The following SCGB2B2 variants were observed in gnomAD, a reference collection of about 807,000 sequenced individuals.
The protein encoded by SCGB2B2 is secretoglobin-like protein.
A neutral mutation model predicts 7.6 loss-of-function variants in SCGB2B2; 11 were observed. The ratio of observed to expected loss-of-function variants is 1.45; its 90% CI spans 0.91 to 2.40. The LOEUF (loss-of-function observed/expected upper bound fraction) is 2.40, where lower values mean the gene tolerates loss of function less well. Ranked by LOEUF, SCGB2B2 falls within the 30% of genes most tolerant of loss-of-function variation. The pLI is 0.00. For synonymous variants in SCGB2B2, 50 were observed against 48.6 expected (o/e 1.03, Z -0.12); for missense variants, 104 against 115.4 (o/e 0.90, Z 0.45).
At chr19:34,665,362 G>C (rs928543426) in intron 1 of SCGB2B2, among the ~76,000 whole-genome samples, 1 of 152,172 alleles carries the variant, frequency 6.6e-6, no homozygotes, top group Non-Finnish European at 1.5e-5. Flanking sequence ...GGCTGAGGTG[G>C]CTCAAAGTGG....
At chr19:34,666,370 T>TCACA (rs954698045) in intron 1 of SCGB2B2, among the ~76,000 whole-genome samples, 1 of 151,760 alleles carries the variant, frequency 6.6e-6, no homozygotes, top group African/African-American at 2.4e-5. Context: ...CGCATTCTAC[T>TCACA]CACACACACA....
chr19:34,662,200 T>C (rs1253612610), intron 1 of SCGB2B2, among the ~76,000 whole-genome samples: 1 of 151,932 alleles, frequency 6.6e-6, no homozygotes, highest in African/African-American at 2.4e-5. Flanking sequence ...ATTTTATGTG[T>C]GACCCAAAAC....
intron 1 of SCGB2B2, among the ~76,000 whole-genome samples, chr19:34,637,349 A>G (rs1219883728): frequency 6.6e-6 from 1 of 152,178 alleles, no homozygotes; most frequent in Non-Finnish European, 1.5e-5. Context: ...CACCCACAGC[A>G]TCTATGCAAG....
chr19:34,612,621 A>ATATT (rs1343150002), intron 1 of SCGB2B2, among the ~76,000 whole-genome samples: 4 of 152,200 alleles, frequency 2.6e-5, no homozygotes, highest in Non-Finnish European at 5.9e-5. Flanking sequence ...AAAGGAATTT[A>ATATT]TATTTTACAG....
chr19:34,666,785 T>C (rs959249103), intron 1 of SCGB2B2, among the ~76,000 whole-genome samples: 2 of 152,102 alleles, frequency 1.3e-5, no homozygotes, highest in African/African-American at 4.8e-5. Context: ...GCTGCTGCTG[T>C]TGCTCGTGGG....
chr19:34,636,271 A>G (rs1322612727), intron 1 of SCGB2B2, among the ~76,000 whole-genome samples: 1 of 152,196 alleles, frequency 6.6e-6, no homozygotes, highest in African/African-American at 2.4e-5. Context: ...GAACAAGTAC[A>G]CAGGACTCTT....
At chr19:34,593,691 G>A in intron 3 of SCGB2B2, 92 bp from the exon 4 acceptor site, 1 of 1,032,874 alleles carries the variant, frequency 9.7e-7, no homozygotes. Flanking sequence ...GCTCAGAGGA[G>A]CTCCTTGAGT....
intron 1 of SCGB2B2, among the ~76,000 whole-genome samples, chr19:34,629,339 T>G (rs1400441442): frequency 4.6e-5 from 7 of 151,974 alleles, no homozygotes; most frequent in Non-Finnish European, 8.8e-5. Context: ...TGCCCCTGTT[T>G]GCAGATGACA....
intron 1 of SCGB2B2, among the ~76,000 whole-genome samples, chr19:34,644,135 G>C (rs1434908981): frequency 2.0e-5 from 3 of 152,160 alleles, no homozygotes; most frequent in African/African-American, 7.2e-5. Context: ...TGGCATACGA[G>C]CAGACAGATA....
At chr19:34,660,459 C>T (rs1298551769) in intron 1 of SCGB2B2, among the ~76,000 whole-genome samples, 1 of 152,144 alleles carries the variant, frequency 6.6e-6, no homozygotes, top group Non-Finnish European at 1.5e-5. Flanking sequence ...ACAACCCCAT[C>T]AAAAAGTGGG....
intron 1 of SCGB2B2, among the ~76,000 whole-genome samples, chr19:34,613,806 C>T (rs1288966838): frequency 6.6e-6 from 1 of 152,114 alleles, no homozygotes. Context: ...TCTTTTTAAG[C>T]CTGTCTGATG....
At chr19:34,613,316 T>C (rs1010173473) in intron 1 of SCGB2B2, among the ~76,000 whole-genome samples, 6 of 152,096 alleles carry the variant, frequency 3.9e-5, no homozygotes, top group African/African-American at 1.4e-4. Context: ...CCAGCTGGTC[T>C]CAAAACTCCT....
chr19:34,596,902 C>A (rs559232955), intron 1 of SCGB2B2, among the ~76,000 whole-genome samples: 81 of 152,050 alleles, frequency 5.3e-4, no homozygotes, highest in African/African-American at 1.7e-3. Flanking sequence ...AGCACTGTGT[C>A]CCGTCTCAAC....
intron 1 of SCGB2B2, among the ~76,000 whole-genome samples, chr19:34,674,208 A>G (rs918248671): frequency 2.0e-5 from 3 of 152,216 alleles, no homozygotes; most frequent in African/African-American, 7.2e-5. Flanking sequence ...GCTTTTCTGG[A>G]TGGACTGAGC....
intron 1 of SCGB2B2, among the ~76,000 whole-genome samples, chr19:34,625,786 C>T (rs992588139): frequency 2.6e-5 from 4 of 152,210 alleles, no homozygotes; most frequent in Non-Finnish European, 5.9e-5. Flanking sequence ...TCTCCCAGCA[C>T]ACAGCTTGAG....
intron 1 of SCGB2B2, among the ~76,000 whole-genome samples, chr19:34,664,348 T>C (rs1362304114): frequency 1.3e-5 from 2 of 152,166 alleles, no homozygotes; most frequent in Admixed American, 6.5e-5. Context: ...ACAGCACCAC[T>C]GGGTCCCTTA....
intron 1 of SCGB2B2, chr19:34,634,910 C>T: frequency 3.7e-6 from 1 of 271,426 alleles, no homozygotes; most frequent in Non-Finnish European, 7.8e-6. Flanking sequence ...TAAAAGATTT[C>T]CCACATTCTG....
chr19:34,636,626 G>T (rs1308841382), intron 1 of SCGB2B2, among the ~76,000 whole-genome samples: 1 of 152,226 alleles, frequency 6.6e-6, no homozygotes, highest in African/African-American at 2.4e-5. Context: ...GAAGGGGTGA[G>T]ACCTGGAAAT....
intron 1 of SCGB2B2, among the ~76,000 whole-genome samples, chr19:34,665,956 A>G (rs2067607155): frequency 6.6e-6 from 1 of 152,042 alleles, no homozygotes; most frequent in South Asian, 2.1e-4. Context: ...AGGAAGATGG[A>G]GGGAGGGCGG....
Sources: gnomAD v4.1 joint callset for allele counts (sites outside exome capture counted in the v4.1 genomes callset) on GRCh38, gnomAD v4.1.1 for gene constraint, MANE v1.5 for transcripts, NCBI Gene and HGNC (gene_info 2026-07-23, HGNC 2026-07-21) for gene names.